Variants in ROR1 observed in about 807,000 individuals in gnomAD.
The protein encoded by ROR1 is ROR family WNT receptor 1.
ROR1 carries 19 observed loss-of-function variants against 78.8 expected under a neutral mutation model. The ratio of observed to expected loss-of-function variants is 0.24; its 90% CI spans 0.17 to 0.35. ROR1 has a LOEUF of 0.35. ROR1 is among the 10% of genes least tolerant of loss of function. The pLI is 1.00. For missense variants in ROR1, 917 were observed against 1,177.8 expected (o/e 0.78, Z 3.24); for synonymous variants, 386 against 433.6 (o/e 0.89, Z 1.36).
At chr1:63,862,391 CAAAAA>C (rs1164915396) in intron 1 of ROR1, among the ~76,000 whole-genome samples, 1 of 56,820 alleles carries the variant, frequency 1.8e-5, no homozygotes, top group African/African-American at 6.2e-5. Context: ...GAGACTGTCT[CAAAAA>C]AAAAAAAAAA....
intron 1 of ROR1, among the ~76,000 whole-genome samples, chr1:63,779,165 T>A (rs550405603): frequency 2.6e-5 from 4 of 152,336 alleles, no homozygotes; most frequent in African/African-American, 9.6e-5. Flanking sequence ...GAGCTTCAAC[T>A]TTGATGTGGT....
chr1:64,173,978 A>T (rs79622549), intron 8 of ROR1, among the ~76,000 whole-genome samples: 2 of 147,870 alleles, frequency 1.4e-5, no homozygotes, highest in African/African-American at 4.9e-5. Context: ...TTTTTAAAGG[A>T]TTTTTTTTTT....
chr1:64,036,313 A>G (rs949466781), intron 2 of ROR1, among the ~76,000 whole-genome samples: 1 of 152,160 alleles, frequency 6.6e-6, no homozygotes, highest in Non-Finnish European at 1.5e-5. Flanking sequence ...CATGACAGGT[A>G]CTGGGGTACA....
chr1:64,038,887 C>T (rs923298830), intron 2 of ROR1, among the ~76,000 whole-genome samples: 7 of 152,184 alleles, frequency 4.6e-5, no homozygotes, highest in East Asian at 1.9e-4. Flanking sequence ...TCAAAGTTCA[C>T]GGCCTTGTGT....
intron 1 of ROR1, among the ~76,000 whole-genome samples, chr1:63,945,165 C>G (rs1312849681): frequency 6.6e-6 from 1 of 152,146 alleles, no homozygotes; most frequent in African/African-American, 2.4e-5. Context: ...GTATGGTCCT[C>G]TGTAGTTTTC....
chr1:64,172,526 T>C (rs1347477420), intron 8 of ROR1, among the ~76,000 whole-genome samples: 1 of 152,198 alleles, frequency 6.6e-6, no homozygotes, highest in Non-Finnish European at 1.5e-5. Context: ...CAGCATATAA[T>C]AAACCGAGGC....
At chr1:64,102,448 C>A (rs967236758) in intron 4 of ROR1, among the ~76,000 whole-genome samples, 2 of 152,172 alleles carry the variant, frequency 1.3e-5, no homozygotes, top group African/African-American at 4.8e-5. Context: ...AAAGAGAAGT[C>A]CCTCTCAGTC....
At position 63,927,959 on chromosome 1, in the gene ROR1, C is replaced by CCTTTT. The variant is rs770352016; in HGVS notation, c.92-81346_92-81345insCTTTT. Reference sequence around the variant, plus strand: ...GAGAAACCAAAATGTAAGGGGTTCCCTTTTTTTTTTTTTTTTTGCCAGCCA... The same window carrying CCTTTT: ...GAGAAACCAAAATGTAAGGGGTTCCCCTTTTTTTTTTTTTTTTTTTTTGCCAGCCA... On this transcript the variant is annotated intron_variant, in intron 1 of 8. Coordinates refer to ENST00000371079, the MANE Select transcript of ROR1 (RefSeq NM_005012.4). Among the ~76,000 whole-genome samples, 8 of 134,204 alleles carry CCTTTT rather than the reference C, an allele frequency of 6.0e-5. 2 individuals are homozygous for CCTTTT. The highest frequency in any genetic ancestry group is 5.0e-5 in the Non-Finnish European group (3 of 60,108). 88.0% of individuals were successfully genotyped at this position (134,204 alleles called of 152,430 possible). A position where few individuals can be genotyped will look rare whatever the true frequency, so the allele number is the denominator to read the frequency against.
At position 63,835,955 on chromosome 1, in the gene ROR1, G is replaced by A. The variant is rs72683044; in HGVS notation, c.91+61447G>A. 5.8e-3 allele frequency among the ~76,000 whole-genome samples: 885 copies of A among 152,294 alleles called. 7 individuals carry two copies. Among genetic ancestry groups the A allele is most frequent in the African/African-American group, 0.02 (838 of 41,566 alleles). Reference sequence around the variant, plus strand: ...TAGCCCCACAGAAACTTTAATTTGTGTAGTGACTAAAGTGAAAACACTCTC... The same window carrying A: ...TAGCCCCACAGAAACTTTAATTTGTATAGTGACTAAAGTGAAAACACTCTC... On this transcript the variant is annotated intron_variant, in intron 1 of 8. Transcript: ENST00000371079.
chr1:64,012,385 T>TG (rs1461971205), intron 2 of ROR1, among the ~76,000 whole-genome samples: 2 of 151,878 alleles, frequency 1.3e-5, no homozygotes, highest in African/African-American at 4.8e-5. Flanking sequence ...CATGTGGGAG[T>TG]GGGGTTGAGG....
intron 2 of ROR1, among the ~76,000 whole-genome samples, chr1:64,023,137 T>A (rs989936935): frequency 9.9e-5 from 15 of 152,194 alleles, no homozygotes; most frequent in African/African-American, 3.4e-4. Flanking sequence ...ACTTTTGTGC[T>A]GGATCGCAGG....
intron 4 of ROR1, among the ~76,000 whole-genome samples, chr1:64,131,916 C>A (rs939600995): frequency 2.6e-5 from 4 of 152,138 alleles, no homozygotes; most frequent in Admixed American, 2.0e-4. Context: ...CCACTGCACC[C>A]AGCCAGAATT....
intron 4 of ROR1, among the ~76,000 whole-genome samples, chr1:64,083,595 GA>G (rs1241939075): frequency 4.5e-4 from 53 of 118,944 alleles, no homozygotes; most frequent in East Asian, 1.3e-3. Context: ...GAGAGAGAGA[GA>G]AAAAAAAAAA....
intron 1 of ROR1, among the ~76,000 whole-genome samples, chr1:63,797,968 C>G (rs1644771914): frequency 6.6e-6 from 1 of 151,672 alleles, no homozygotes; most frequent in Non-Finnish European, 1.5e-5. Flanking sequence ...AAGCCATATA[C>G]TGGCAAGGGA....
At chr1:63,992,003 C>T (rs1180687048) in intron 1 of ROR1, among the ~76,000 whole-genome samples, 1 of 152,010 alleles carries the variant, frequency 6.6e-6, no homozygotes, top group African/African-American at 2.4e-5. Flanking sequence ...TCTAGTGTGA[C>T]CAAAATCCCT....
At chr1:63,943,097 A>G (rs1366258295) in intron 1 of ROR1, among the ~76,000 whole-genome samples, 5 of 25,886 alleles carry the variant, frequency 1.9e-4, no homozygotes, top group Non-Finnish European at 1.7e-3. Flanking sequence ...TGTCTTTAAA[A>G]AAAAAAAAAA....
At chr1:63,959,513 G>A (rs189759404) in intron 1 of ROR1, among the ~76,000 whole-genome samples, 3 of 152,158 alleles carry the variant, frequency 2.0e-5, no homozygotes, top group Admixed American at 6.5e-5. Context: ...CTCCCCCATC[G>A]TCTGGGTTTC....
chr1:63,930,035 A>G (rs1007230074), intron 1 of ROR1, among the ~76,000 whole-genome samples: 8 of 152,124 alleles, frequency 5.3e-5, no homozygotes, highest in Admixed American at 5.2e-4. Context: ...TTACATAAGT[A>G]TACACATGCC....
intron 1 of ROR1, among the ~76,000 whole-genome samples, chr1:63,863,052 G>A (rs1014314887): frequency 1.3e-5 from 2 of 152,118 alleles, no homozygotes; most frequent in African/African-American, 4.8e-5. Context: ...ATGTCACAAA[G>A]CAAGTTAGGG....
Sources: allele counts gnomAD v4.1 joint callset (sites outside exome capture counted in the v4.1 genomes callset), GRCh38; gene constraint gnomAD v4.1.1; transcripts MANE v1.5; gene names NCBI Gene and HGNC (gene_info 2026-07-23, HGNC 2026-07-21).